Variants in APC2 observed in about 807,000 individuals in gnomAD.
The protein encoded by APC2 is adenomatous polyposis coli protein 2.
A neutral mutation model predicts 72.5 loss-of-function variants in APC2; 41 were observed. The ratio of observed to expected loss-of-function variants is 0.57; its 90% CI spans 0.44 to 0.73. The LOEUF is 0.73. APC2 is among the 30% of genes least tolerant of loss of function. APC2 has a pLI of 0.00. For synonymous variants in APC2, 1,898 were observed against 1,612.0 expected, an observed-to-expected ratio of 1.18 and a Z score of -4.25; for missense variants, 3,729 against 3,403.4, an observed-to-expected ratio of 1.10 and a Z score of -2.38.
In APC2 at chr19:1,465,306, G is replaced by C. The variant is rs149484068; in HGVS notation, c.2005G>C (p.Val669Leu). 3 of 1,598,492 alleles carry C rather than the reference G, an allele frequency of 1.9e-6. No individual in the cohort carries two copies. Among genetic ancestry groups the C allele is most frequent in the Non-Finnish European group, 2.5e-6 (3 of 1,177,026 alleles). ...GGAGCTGCTGTGGGACCTGGGCGCC[G>C]TGGGCATGCTGCGTAATCTGGTGCA... ...DQELLWDLGA[V>L]GMLRNLVHSK... Residue 669 changes from valine to leucine, a missense_variant, in exon 15 of 15, where the codon GTG becomes CTG. Coordinates refer to ENST00000590469, the MANE Select transcript of APC2 (RefSeq NM_005883.3).
Position 1,468,428 on chromosome 19 carries a change from G to A in APC2, c.5127G>A (p.Glu1709=), listed in dbSNP as rs200766407. Residue 1709 remains glutamate, a synonymous_variant, in exon 15 of 15, where the codon GAG becomes GAA. Transcript: ENST00000590469. ...WLHQAAAATR[E]ASSESDSILS... ...ACCAGGCAGCAGCTGCCACGCGGGA[G>A]GCCTCGTCCGAGTCCGACTCCATCC... The A allele has an allele frequency of 9.4e-5, 150 of 1,592,068 alleles. No homozygotes were observed. Among genetic ancestry groups the A allele is most frequent in the Middle Eastern group, 1.7e-4 (1 of 6,030 alleles).
At chr19:1,453,400 G>A (rs2279872) in intron 3 of APC2, 31 bp from the exon 4 acceptor site, 28 of 1,609,046 alleles carry the variant, frequency 1.7e-5, no homozygotes, top group Admixed American at 1.3e-4. Flanking sequence ...AGGCAGGGCC[G>A]CTGACCTCCG....
chr19:1,460,737 T>C (rs570460390), intron 11 of APC2, 43 bp from the exon 12 acceptor site: 2 of 1,591,600 alleles, frequency 1.3e-6, no homozygotes, highest in South Asian at 2.2e-5. Flanking sequence ...ACAGTCTCCC[T>C]TGTGTCCCAA....
In APC2 at chr19:1,462,159, C is replaced by A; in HGVS notation, c.1835C>A (p.Ala612Asp). 1 of 1,603,598 alleles carries A rather than the reference C, an allele frequency of 6.2e-7. No homozygotes were observed. Among genetic ancestry groups the A allele is most frequent in the Non-Finnish European group, 8.5e-7 (1 of 1,176,762 alleles). Residue 612 changes from alanine to aspartate, a missense_variant, in exon 14 of 15, where the codon GCC becomes GAC. By Grantham distance (126) the Ala-to-Asp change is moderately radical. Transcript: ENST00000590469. ...GILRNVSSLV[A>D]TREDYRQVLR... ...CTCCGCAATGTGTCCAGCCTCGTCG[C>A]CACCCGTGAGGACTACAGGTCGGCC...
intron 14 of APC2, among the ~76,000 whole-genome samples, chr19:1,464,254 A>G (rs2083970306): frequency 6.6e-6 from 1 of 152,132 alleles, no homozygotes; most frequent in African/African-American, 2.4e-5. Context: ...GGTTGCAGTG[A>G]GCGGAGATCA....
Position 1,468,422 on chromosome 19 carries a change from G to A in APC2, c.5121G>A (p.Thr1707=), listed in dbSNP as rs771835881. 3.8e-6 allele frequency: 6 copies of A among 1,591,298 alleles called. No individual in the cohort carries two copies. Among genetic ancestry groups the A allele is most frequent in the African/African-American group, 1.3e-5 (1 of 74,456 alleles). ...VTWLHQAAAA[T]REASSESDSI... ...GGCTGCACCAGGCAGCAGCTGCCAC[G>A]CGGGAGGCCTCGTCCGAGTCCGACT... The change falls in exon 15 of 15, where the codon ACG becomes ACA. Residue 1707 remains threonine (T), a synonymous_variant. Coordinates refer to ENST00000590469, the MANE Select transcript of APC2 (RefSeq NM_005883.3).
At chr19:1,453,705 C>G (rs1475570068) in intron 4 of APC2, 94 bp downstream of exon 4, 3 of 1,451,494 alleles carry the variant, frequency 2.1e-6, no homozygotes, top group Non-Finnish European at 2.8e-6. Context: ...GCATATGTCT[C>G]TGCCCACACC....
chr19:1,450,088 C>T (rs1172648298), upstream of APC2: 20 of 963,024 alleles, frequency 2.1e-5, no homozygotes, highest in African/African-American at 1.4e-4. Context: ...GGCTGTCTCA[C>T]CCGCATCCCT....
chr19:1,455,802 G>C (rs966240100), intron 6 of APC2, among the ~76,000 whole-genome samples: 1 of 152,094 alleles, frequency 6.6e-6, no homozygotes, highest in Non-Finnish European at 1.5e-5. Context: ...TCTAGGTTCT[G>C]GGTGGAGCCC....
chr19:1,456,474 C>T (rs1599137378), intron 8 of APC2, 70 bp downstream of exon 8: 6 of 1,430,344 alleles, frequency 4.2e-6, no homozygotes, highest in African/African-American at 1.4e-5. Flanking sequence ...TCTGCATCCT[C>T]GCCAGTGGTG....
Position 1,457,236 on chromosome 19 carries a change from C to T in APC2, c.1200C>T (p.Ala400=), listed in dbSNP as rs1314800831. 12 of 1,528,522 alleles carry T rather than the reference C, an allele frequency of 7.9e-6. No homozygotes were observed. Among genetic ancestry groups the T allele is most frequent in the Admixed American group, 2.0e-5 (1 of 48,884 alleles). The allele number at this position is 1,528,522 out of a possible 1,614,324, so 94.7% of individuals were successfully genotyped here. ...ACGGCGGGCCCGAGGGAGGTGGCGC[C>T]GGCAGCGGTGAGTGCCTGGCCTGGT... ...ARDGGPEGGG[A]GSAPIPIEPQ... The change falls in exon 9 of 15, where the codon GCC becomes GCT. Residue 400 remains alanine (A), a synonymous_variant. Coordinates refer to ENST00000590469, the MANE Select transcript of APC2 (RefSeq NM_005883.3).
intron 4 of APC2, 65 bp from the exon 5 acceptor site, chr19:1,455,084 C>T (rs2083799642): frequency 8.6e-6 from 9 of 1,044,856 alleles, no homozygotes; most frequent in Non-Finnish European, 1.1e-5. Context: ...CAAGTGATTA[C>T]AAATATCAAA....
In APC2 at chr19:1,468,227, C is replaced by A; in HGVS notation, c.4926C>A (p.Pro1642=). Residue 1642 remains proline (P), a synonymous_variant, in exon 15 of 15, where the codon CCC becomes CCA. Transcript: ENST00000590469. The stretch of plus-strand genomic sequence containing the variant: ...GCTCGGCCCTGCCCAGGCGCCGGCC[C>A]CCCGTGTCTGGCCTGCGGCGCCGCA... The part of the protein sequence containing the change: ...CISSALPRRR[P]PVSGLRRRKP... The A allele has an allele frequency of 6.7e-7, 1 of 1,483,224 alleles. No individual in the cohort carries two copies. Among genetic ancestry groups the A allele is most frequent in the Admixed American group, 2.4e-5 (1 of 41,692 alleles). 91.9% of individuals were successfully genotyped at this position (1,483,224 alleles called of 1,614,324 possible).
Position 1,469,648 on chromosome 19 carries a change from C to G in APC2, c.6347C>G (p.Pro2116Arg), listed in dbSNP as rs749032878. ...GCCCGCAGGCCCGACGGCGCCGTCC[C>G]CGCGGCCCCTGCCTCAGCCGACGCC... is the stretch of plus-strand genomic sequence containing the variant. ...SVARRPDGAV[P>R]AAPASADAAR... is the part of the protein sequence containing the mutation. Residue 2116 changes from proline to arginine, a missense_variant, in exon 15 of 15, where the codon CCC (proline) becomes CGC (arginine). Transcript: ENST00000590469. 4 of 1,238,064 alleles carry G rather than the reference C, an allele frequency of 3.2e-6. No individual in the cohort carries two copies. In the South Asian group the frequency reaches 1.2e-4, roughly 37 times the overall value. The allele number at this position is 1,238,064 out of a possible 1,614,324, so 76.7% of individuals were successfully genotyped here.
intron 1 of APC2, 82 bp downstream of exon 1, chr19:1,450,420 G>C: frequency 1.1e-6 from 1 of 936,980 alleles, no homozygotes; most frequent in Non-Finnish European, 1.3e-6. Flanking sequence ...AGCATTGCCC[G>C]TCAGCACAGA....
intron 6 of APC2, 122 bp downstream of exon 6, chr19:1,455,622 G>T (rs191905247): frequency 3.1e-6 from 3 of 975,786 alleles, no homozygotes; most frequent in Non-Finnish European, 4.6e-6. Flanking sequence ...TCCTGGGTTG[G>T]GGGGCGCGGG....
chr19:1,446,389 G>T, upstream of APC2: 1 of 983,234 alleles, frequency 1.0e-6, no homozygotes, highest in South Asian at 4.7e-5. This position sits in a 1 kb window ranked among gnomAD's most constrained non-coding sequence, Gnocchi z 6.1. Context: ...GGCCGCGCAG[G>T]AACGGGGCGG....
intron 9 of APC2, chr19:1,457,527 A>T (rs1167440310): frequency 3.7e-6 from 2 of 534,964 alleles, no homozygotes; most frequent in Non-Finnish European, 6.5e-6. Context: ...CTTTTTTTGC[A>T]GTTGATCGCA....
chr19:1,447,101 C>T (rs535172542), upstream of APC2, among the ~76,000 whole-genome samples: 9 of 152,298 alleles, frequency 5.9e-5, no homozygotes, highest in South Asian at 6.2e-4. Context: ...GGTCAGGCTT[C>T]AGGGCGCGGC....
Sources: allele counts gnomAD v4.1 joint callset (sites outside exome capture counted in the v4.1 genomes callset), GRCh38; gene constraint gnomAD v4.1.1; non-coding constraint Gnocchi (gnomAD v3.1); transcripts MANE v1.5; gene names NCBI Gene and HGNC (gene_info 2026-07-23, HGNC 2026-07-21).